The following MAP1LC3B2 variants were observed in gnomAD, a reference collection of about 807,000 sequenced individuals.
MAP1LC3B2 encodes microtubule-associated protein 1 light chain 3 beta 2.
For synonymous variants in MAP1LC3B2, 62 were observed against 57.8 expected, an observed-to-expected ratio of 1.07 and a Z score of -0.33; for missense variants, 155 against 154.6, an observed-to-expected ratio of 1.00 and a Z score of -0.01.
intron 1 of MAP1LC3B2, among the ~76,000 whole-genome samples, chr12:116,563,559 A>G (rs1478631140): frequency 6.6e-6 from 1 of 152,130 alleles, no homozygotes; most frequent in Non-Finnish European, 1.5e-5. Context: ...TGCTGGTTTT[A>G]AACAATTTGA....
chr12:116,573,696 T>C (rs916104164), intron 1 of MAP1LC3B2, among the ~76,000 whole-genome samples: 4 of 152,106 alleles, frequency 2.6e-5, no homozygotes, highest in African/African-American at 9.7e-5. Context: ...TTTGTGTTTT[T>C]AGTAGAGATG....
chr12:116,563,794 T>C (rs1869326007), intron 1 of MAP1LC3B2, among the ~76,000 whole-genome samples: 1 of 152,234 alleles, frequency 6.6e-6, no homozygotes, highest in South Asian at 2.1e-4. Flanking sequence ...TTTATTTTTT[T>C]GGCCCTTGTT....
Position 116,576,542 on chromosome 12 carries a change from T to G in MAP1LC3B2, c.*222T>G. On this transcript the variant is annotated 3_prime_UTR_variant, in exon 2 of 2. Transcript: ENST00000556529. ...GGAAACTATATTATTTAATGTAGGC[T>G]AGCTTGTTTTCAAATTTTAAAAGTT... 1 of 497,262 alleles carries G rather than the reference T, an allele frequency of 2.0e-6. No individual in the cohort carries two copies. Among genetic ancestry groups the G allele is most frequent in the Non-Finnish European group, 3.5e-6 (1 of 284,206 alleles). The allele number at this position is 497,262 out of a possible 1,614,324, so 30.8% of individuals were successfully genotyped here.
chr12:116,575,982 G>A lies in MAP1LC3B2; in HGVS notation c.40G>A (p.Glu14Lys), dbSNP rs192133007. The change falls in exon 2 of 2, where the codon GAA becomes AAA. Residue 14 changes from glutamate to lysine, a missense_variant. Transcript: ENST00000556529. ...EKTFKQRRTF[E>K]QRVEDVRLIR... is the part of the protein sequence containing the mutation. ...GACCTTCAAGCAGCGGCGCACCTTC[G>A]AACAAAGAGTAGAAGATGTCCGACT... 116 of 1,614,152 alleles carry A rather than the reference G, an allele frequency of 7.2e-5. 1 individual carries two copies. The African/African-American group carries it at 1.3e-3, about 18-fold the overall frequency.
At chr12:116,567,820 A>G (rs539927186) in intron 1 of MAP1LC3B2, among the ~76,000 whole-genome samples, 2 of 152,206 alleles carry the variant, frequency 1.3e-5, no homozygotes, top group East Asian at 3.9e-4. Flanking sequence ...AGAGAAGAAA[A>G]TGGAACCCAA....
At chr12:116,561,310 G>T (rs1869265866) in intron 1 of MAP1LC3B2, among the ~76,000 whole-genome samples, 1 of 152,092 alleles carries the variant, frequency 6.6e-6, no homozygotes, top group African/African-American at 2.4e-5. Flanking sequence ...GAGGTAGATG[G>T]GTAGATTAGA....
rs1869657471 is a variant in MAP1LC3B2 at position 116,575,862 on chromosome 12, A to C, written c.-81A>C. On this transcript the variant is annotated 5_prime_UTR_variant, in exon 2 of 2. Coordinates refer to ENST00000556529, the MANE Select transcript of MAP1LC3B2 (RefSeq NM_001085481.3). ...AATAGCCTTACACGGCCACAGTCGGATTCGCTGCCGCAGCAGCCGCCACCC... is the reference window on the plus strand; with the variant it reads ...AATAGCCTTACACGGCCACAGTCGGCTTCGCTGCCGCAGCAGCCGCCACCC... 3.2e-6 allele frequency: 5 copies of C among 1,561,302 alleles called. No homozygotes were observed. The highest frequency in any genetic ancestry group is 4.4e-6 in the Non-Finnish European group (5 of 1,136,438).
At chr12:116,571,246 G>A (rs373640846) in intron 1 of MAP1LC3B2, among the ~76,000 whole-genome samples, 9 of 152,186 alleles carry the variant, frequency 5.9e-5, no homozygotes, top group East Asian at 1.9e-4. Context: ...ACCCACTCAC[G>A]TCTTCCTCTT....
At chr12:116,572,782 TAGA>T (rs1447945712) in intron 1 of MAP1LC3B2, among the ~76,000 whole-genome samples, 1 of 152,220 alleles carries the variant, frequency 6.6e-6, no homozygotes, top group Non-Finnish European at 1.5e-5. Context: ...ATTAAGTACA[TAGA>T]AGGACTGCAG....
intron 1 of MAP1LC3B2, among the ~76,000 whole-genome samples, chr12:116,570,654 G>A (rs200553330): frequency 6.6e-6 from 1 of 152,174 alleles, no homozygotes; most frequent in Non-Finnish European, 1.5e-5. Flanking sequence ...CTGCTGCCAT[G>A]TAAGATGTGC....
chr12:116,573,872 G>T (rs1869605300), intron 1 of MAP1LC3B2, among the ~76,000 whole-genome samples: 1 of 152,160 alleles, frequency 6.6e-6, no homozygotes, highest in Admixed American at 6.5e-5. Flanking sequence ...CAAAACATGG[G>T]GCAAGGCTGC....
At chr12:116,566,595 G>A (rs976029482) in intron 1 of MAP1LC3B2, among the ~76,000 whole-genome samples, 3 of 140,656 alleles carry the variant, frequency 2.1e-5, no homozygotes, top group Admixed American at 1.5e-4. Flanking sequence ...GATACAGTAC[G>A]TGGAACTGTG....
In MAP1LC3B2 at chr12:116,576,452, T is replaced by C; in HGVS notation, c.*132T>C. On this transcript the variant is annotated 3_prime_UTR_variant, in exon 2 of 2. Transcript: ENST00000556529. Reference sequence around the variant, plus strand: ...AAACAGTAGTGTTCCCACCTAGGAGTGTTAGGAAGTTGTGTTTGTGTTTCA... The same window carrying C: ...AAACAGTAGTGTTCCCACCTAGGAGCGTTAGGAAGTTGTGTTTGTGTTTCA... 7.4e-7 allele frequency: 1 copy of C among 1,343,722 alleles called. No individual in the cohort carries two copies. The highest frequency in any genetic ancestry group is 1.0e-6 in the Non-Finnish European group (1 of 988,446). 83.2% of individuals were successfully genotyped at this position (1,343,722 alleles called of 1,614,324 possible).
chr12:116,573,416 T>G (rs1869591209), intron 1 of MAP1LC3B2, among the ~76,000 whole-genome samples: 1 of 152,178 alleles, frequency 6.6e-6, no homozygotes, highest in Admixed American at 6.5e-5. Context: ...TTTAATTATT[T>G]TAGATTAAAA....
At chr12:116,567,448 CTTTTT>C (rs35722581) in intron 1 of MAP1LC3B2, among the ~76,000 whole-genome samples, 1 of 127,848 alleles carries the variant, frequency 7.8e-6, no homozygotes, top group Admixed American at 8.2e-5. Flanking sequence ...CTTTGCAAAT[CTTTTT>C]TTTTTTTTTT....
intron 1 of MAP1LC3B2, among the ~76,000 whole-genome samples, chr12:116,571,425 C>T (rs891865886): frequency 1.5e-5 from 2 of 134,184 alleles, no homozygotes; most frequent in Admixed American, 8.3e-5. Flanking sequence ...TTTTCCTTCT[C>T]GTGAGAATAG....
chr12:116,572,987 C>T (rs141831530), intron 1 of MAP1LC3B2, among the ~76,000 whole-genome samples: 1 of 152,198 alleles, frequency 6.6e-6, no homozygotes, highest in African/African-American at 2.4e-5. Context: ...GCCAGTGGCA[C>T]GATCTTGGCT....
rs761565483 is a variant in MAP1LC3B2 at position 116,576,171 on chromosome 12, C to T, written c.229C>T (p.Gln77Ter). 2.5e-6 allele frequency: 4 copies of T among 1,614,120 alleles called. No homozygotes were observed. The highest frequency in any genetic ancestry group is 3.4e-6 in the Non-Finnish European group (4 of 1,180,002). ...AAGGCGCTTACAGCTCAATGCTAAT[C>T]AGGCCTTCTTCCTGTTGGTGAACGG... ...IRRRLQLNANQAFFLLVNGHS... is the reference protein window; with the variant it reads ...IRRRLQLNAN The change falls in exon 2 of 2, where the codon CAG becomes TAG. Residue 77 changes from glutamine to a stop codon, truncating the protein, a stop_gained. Coordinates refer to ENST00000556529, the MANE Select transcript of MAP1LC3B2 (RefSeq NM_001085481.3). LOFTEE classifies it low-confidence loss of function (END_TRUNC).
chr12:116,574,866 T>C (rs1377263994), intron 1 of MAP1LC3B2, among the ~76,000 whole-genome samples: 1 of 151,534 alleles, frequency 6.6e-6, no homozygotes, highest in African/African-American at 2.4e-5. Flanking sequence ...CATCTGAACA[T>C]AGTGGCTGGG....
Sources: allele counts gnomAD v4.1 joint callset (sites outside exome capture counted in the v4.1 genomes callset), GRCh38; gene constraint gnomAD v4.1.1; transcripts MANE v1.5; gene names NCBI Gene and HGNC (gene_info 2026-07-23, HGNC 2026-07-21).